The following C8orf76 variants were observed in gnomAD, a reference collection of about 807,000 sequenced individuals.
C8orf76 encodes the protein uncharacterized protein C8orf76.
A neutral mutation model predicts 38.1 loss-of-function variants in C8orf76; 46 were observed. The observed-to-expected ratio is 1.21, with a 90% CI of 0.95 to 1.54. The LOEUF is 1.54. C8orf76 is among the 40% of genes most tolerant of loss of function. C8orf76 has a pLI of 0.00. For missense variants in C8orf76, 461 were observed against 441.6 expected (o/e 1.04, Z -0.39); for synonymous variants, 166 against 167.5 (o/e 0.99, Z 0.07).
chr8:123,230,655 C>CT (rs1171156477), intron 4 of C8orf76, among the ~76,000 whole-genome samples: 11,856 of 140,094 alleles, frequency 0.085, 1,628 homozygotes, highest in African/African-American at 0.29. Flanking sequence ...CTGGTCAACT[C>CT]TTTTTTTTTT....
chr8:123,225,131 G>A (rs371274167), intron 5 of C8orf76, among the ~76,000 whole-genome samples: 10 of 152,188 alleles, frequency 6.6e-5, no homozygotes, highest in African/African-American at 2.2e-4. Flanking sequence ...TTAGCCTCCC[G>A]AGTAGCTGGG....
Position 123,241,283 on chromosome 8 carries a change from C to G in C8orf76, c.64G>C (p.Glu22Gln), listed in dbSNP as rs778106749. 6.3e-7 allele frequency: 1 copy of G among 1,581,038 alleles called. No homozygotes were observed. The highest frequency in any genetic ancestry group is 8.6e-7 in the Non-Finnish European group (1 of 1,168,276). Residue 22 changes from glutamate to glutamine, a missense_variant, in exon 1 of 6, where the codon GAG becomes CAG. By Grantham distance (29) the Glu-to-Gln change is conservative. Transcript: ENST00000276704. ...FEDSVFEERP[E>Q]RRSGPPASYC... is the part of the protein sequence containing the mutation. ...GACGCGGGCGGTCCTGACCGCCGCTCCGGCCTCTCCTCGAACACCGAGTCC... is the reference window on the plus strand; with the variant it reads ...GACGCGGGCGGTCCTGACCGCCGCTGCGGCCTCTCCTCGAACACCGAGTCC...
chr8:123,230,860 G>A (rs564941382), intron 4 of C8orf76, among the ~76,000 whole-genome samples: 1 of 152,264 alleles, frequency 6.6e-6, no homozygotes, highest in Admixed American at 6.5e-5. Flanking sequence ...ATGTTGGCCA[G>A]GCTGGTCTCG....
Position 123,220,064 on chromosome 8 carries a change from A to G in C8orf76, c.*39T>C. ...TCTGAAGTAAACAAGGACAATTAAT[A>G]CAGTACAAGATATTTGTGGTTTTGT... On this transcript the variant is annotated 3_prime_UTR_variant, in exon 6 of 6. Transcript: ENST00000276704. 1.6e-6 allele frequency: 2 copies of G among 1,230,844 alleles called. No individual in the cohort carries two copies. Among genetic ancestry groups the G allele is most frequent in the East Asian group, 2.4e-5 (1 of 42,420 alleles). 76.2% of individuals were successfully genotyped at this position (1,230,844 alleles called of 1,614,324 possible).
Position 123,220,292 on chromosome 8 carries a change from C to T in C8orf76, c.954G>A (p.Met318Ile). Residue 318 changes from methionine (M) to isoleucine (I), a missense_variant, in exon 6 of 6, where the codon ATG (methionine) becomes ATA (isoleucine). Met to Ile is a conservative substitution (Grantham distance 10, BLOSUM62 1). Transcript: ENST00000276704. ...EDTLLLIAEVMGEDIPEKIKD... is the reference protein window; with the variant it reads ...EDTLLLIAEVIGEDIPEKIKD... ...TTATTTTTTCTGGGATATCTTCTCC[C>T]ATAACCTATAACAGGAGGAAAAAAA... 6.3e-7 allele frequency: 1 copy of T among 1,583,594 alleles called. No individual in the cohort carries two copies. The highest frequency in any genetic ancestry group is 8.6e-7 in the Non-Finnish European group (1 of 1,168,408).
In C8orf76 at chr8:123,237,956, T is replaced by C. The variant is rs146979688; in HGVS notation, c.214-15A>G. 6.2e-7 allele frequency: 1 copy of C among 1,600,086 alleles called. No individual in the cohort carries two copies. The highest frequency in any genetic ancestry group is 1.3e-5 in the African/African-American group (1 of 74,274). On this transcript the variant is annotated splice_polypyrimidine_tract_variant and intron_variant, in intron 2 of 5. Coordinates refer to ENST00000276704, the MANE Select transcript of C8orf76 (RefSeq NM_032847.3). ...TGCAGTGCTTTCTGGAAATTATTTG[T>C]TAAATAAAGAAATGAAAGGAGGAAA...
chr8:123,241,085 A>T, intron 1 of C8orf76, 145 bp downstream of exon 1: 1 of 769,000 alleles, frequency 1.3e-6, no homozygotes, highest in Non-Finnish European at 1.9e-6. Context: ...CCCGTGGAGG[A>T]GGAGGGACGG....
rs150376450 is a variant in C8orf76, at chr8:123,227,800, G to A, written c.816-1168C>T. Among the ~76,000 whole-genome samples the A allele has an allele frequency of 3.9e-4, 60 of 152,254 alleles. 1 individual carries two copies. Among genetic ancestry groups the A allele is most frequent in the Admixed American group, 6.5e-4 (10 of 15,290 alleles). On this transcript the variant is annotated intron_variant, in intron 4 of 5. Coordinates refer to ENST00000276704, the MANE Select transcript of C8orf76 (RefSeq NM_032847.3). ...CCATGGAAAGAAATGCGGAATTGACGTAAGTGCAATGGGAAGCCATCCGGG... is the reference window on the plus strand; with the variant it reads ...CCATGGAAAGAAATGCGGAATTGACATAAGTGCAATGGGAAGCCATCCGGG...
intron 3 of C8orf76, 40 bp downstream of exon 3, chr8:123,237,758 T>TA (rs1191032037): frequency 1.3e-6 from 2 of 1,598,414 alleles, no homozygotes; most frequent in Admixed American, 3.5e-5. Flanking sequence ...CGACCACCCT[T>TA]ATAGGAATGT....
At chr8:123,225,098 C>T (rs1233138064) in intron 5 of C8orf76, among the ~76,000 whole-genome samples, 2 of 152,072 alleles carry the variant, frequency 1.3e-5, no homozygotes, top group African/African-American at 2.4e-5. Context: ...CTCCACCTCC[C>T]GGGTTCAAGC....
At chr8:123,228,920 A>G (rs1273632641) in intron 4 of C8orf76, among the ~76,000 whole-genome samples, 1 of 152,242 alleles carries the variant, frequency 6.6e-6, no homozygotes, top group East Asian at 1.9e-4. Flanking sequence ...ACTAGAGAGC[A>G]GAGTTTAAGG....
chr8:123,229,522 T>C (rs371754304), intron 4 of C8orf76, among the ~76,000 whole-genome samples: 4 of 152,230 alleles, frequency 2.6e-5, no homozygotes, highest in East Asian at 3.8e-4. Flanking sequence ...ACAGCACTGA[T>C]ATACTATTTA....
rs761359957 is a variant in C8orf76 at position 123,231,719 on chromosome 8, T to G, written c.396A>C (p.Val132=). ...KATNTDHLTT[V]LYLQLAICSS... ...AACAAATAGCAAGCTGGAGGTAGAG[T>G]ACCGTGGTTAAATGGTCTGTGTTGG... Residue 132 remains valine (V), a synonymous_variant, in exon 4 of 6, where the codon GTA becomes GTC. Transcript: ENST00000276704. 13 of 1,611,068 alleles carry G rather than the reference T, an allele frequency of 8.1e-6. No homozygotes were observed. Among genetic ancestry groups the G allele is most frequent in the Non-Finnish European group, 1.1e-5 (13 of 1,179,970 alleles).
chr8:123,231,495 T>G lies in C8orf76; in HGVS notation c.620A>C (p.His207Pro). 1 of 1,614,138 alleles carries G rather than the reference T, an allele frequency of 6.2e-7. No individual in the cohort carries two copies. The highest frequency in any genetic ancestry group is 8.5e-7 in the Non-Finnish European group (1 of 1,180,038). ...ACACAAAAGACAGTCTTTTCCTGAG[T>G]GTGGAAAGAAGGATTTGATAGTTTT... ...SDKTIKSFFP[H>P]SGKDCLLCFP... is the part of the protein sequence containing the mutation. Residue 207 changes from histidine to proline, a missense_variant, in exon 4 of 6, where the codon CAC (histidine) becomes CCC (proline). By Grantham distance (77) the His-to-Pro change is moderately conservative. Coordinates refer to ENST00000276704, the MANE Select transcript of C8orf76 (RefSeq NM_032847.3).
At chr8:123,232,556 G>T (rs1458850606) in intron 3 of C8orf76, among the ~76,000 whole-genome samples, 1 of 152,212 alleles carries the variant, frequency 6.6e-6, no homozygotes, top group Non-Finnish European at 1.5e-5. Context: ...AGCCTGGCCT[G>T]CAAGCGTCCA....
chr8:123,227,112 C>G (rs959350179), intron 4 of C8orf76, among the ~76,000 whole-genome samples: 15 of 152,152 alleles, frequency 9.9e-5, no homozygotes, highest in Non-Finnish European at 1.5e-4. Flanking sequence ...GATTCGCTAG[C>G]ACACTTCAAT....
intron 5 of C8orf76, among the ~76,000 whole-genome samples, chr8:123,221,781 C>CTA (rs1198963259): frequency 6.6e-6 from 1 of 151,954 alleles, no homozygotes; most frequent in Non-Finnish European, 1.5e-5. Context: ...CAGCACTCAA[C>CTA]TATAGTCCCA....
At chr8:123,229,862 C>T (rs923068417) in intron 4 of C8orf76, among the ~76,000 whole-genome samples, 1 of 151,992 alleles carries the variant, frequency 6.6e-6, no homozygotes, top group Non-Finnish European at 1.5e-5. Context: ...ACTAAAAATA[C>T]AAAAATTAGC....
rs1333362459 is a variant in C8orf76 at position 123,241,318 on chromosome 8, C to A, written c.29G>T (p.Gly10Val). 6.4e-7 allele frequency: 1 copy of A among 1,572,440 alleles called. No individual in the cohort carries two copies. The highest frequency in any genetic ancestry group is 8.6e-7 in the Non-Finnish European group (1 of 1,164,728). MDSGCWLFG[G>V]EFEDSVFEER... ...CTCGAACACCGAGTCCTCGAACTCG[C>A]CGCCGAACAACCAGCACCCGGAATC... The change falls in exon 1 of 6, where the codon GGC (glycine) becomes GTC (valine). Residue 10 changes from glycine to valine, a missense_variant. Coordinates refer to ENST00000276704, the MANE Select transcript of C8orf76 (RefSeq NM_032847.3).
Sources: allele counts gnomAD v4.1 joint callset (sites outside exome capture counted in the v4.1 genomes callset), GRCh38; gene constraint gnomAD v4.1.1; transcripts MANE v1.5; gene names NCBI Gene and HGNC (gene_info 2026-07-23, HGNC 2026-07-21).